The following FER1L6 variants were observed in gnomAD, a reference collection of about 807,000 sequenced individuals.
The protein encoded by FER1L6 is fer-1 like family member 6.
In FER1L6, 177 loss-of-function variants were observed where a neutral mutation model predicts 219.2. The ratio of observed to expected loss-of-function variants is 0.81; its 90% CI spans 0.71 to 0.91. FER1L6 has a LOEUF of 0.91. Among genes scored for constraint, FER1L6 ranks in the 40% least tolerant of loss-of-function variants. The pLI is 0.00. For missense variants in FER1L6, 2,153 were observed against 2,259.9 expected, an observed-to-expected ratio of 0.95 and a Z score of 0.96; for synonymous variants, 768 against 824.3, an observed-to-expected ratio of 0.93 and a Z score of 1.17.
intron 7 of FER1L6, among the ~76,000 whole-genome samples, chr8:123,974,030 A>T (rs1220927798): frequency 6.6e-6 from 1 of 152,248 alleles, no homozygotes; most frequent in African/African-American, 2.4e-5. Context: ...TATACAAAGG[A>T]TTTGCTGTAC....
intron 1 of FER1L6, among the ~76,000 whole-genome samples, chr8:123,868,051 C>A (rs182781010): frequency 6.6e-6 from 1 of 152,208 alleles, no homozygotes; most frequent in East Asian, 1.9e-4. Flanking sequence ...TTTTTTGTGT[C>A]TCTGGCTTTT....
chr8:124,087,363 G>C (rs1421342197), intron 33 of FER1L6, among the ~76,000 whole-genome samples: 1 of 152,002 alleles, frequency 6.6e-6, no homozygotes, highest in Admixed American at 6.6e-5. Flanking sequence ...GCTGTTAAGA[G>C]ACTGGTGCAT....
intron 5 of FER1L6, among the ~76,000 whole-genome samples, chr8:123,966,930 A>C (rs781297465): frequency 6.6e-5 from 10 of 151,988 alleles, no homozygotes; most frequent in Non-Finnish European, 1.2e-4. Flanking sequence ...AAATACAAAA[A>C]AATTAGCCAG....
At position 123,898,896 on chromosome 8, in the gene FER1L6, AG is replaced by A. The variant is rs537761738; in HGVS notation, c.-8+46712del. On this transcript the variant is annotated intron_variant, in intron 1 of 40. Transcript: ENST00000522917. The stretch of plus-strand genomic sequence containing the variant: ...ATATATATATATCAGTTTTTTATCC[AG>A]TTGTTGATTGTTGGGCATTTGTGTT... 4.7e-3 allele frequency among the ~76,000 whole-genome samples: 698 copies of A among 148,264 alleles called. 2 individuals carry two copies. The highest frequency in any genetic ancestry group is 0.017 in the Middle Eastern group (5 of 290).
Position 123,896,173 on chromosome 8 carries a change from C to A in FER1L6, c.-8+43988C>A, listed in dbSNP as rs138922031. 5.9e-4 allele frequency among the ~76,000 whole-genome samples: 90 copies of A among 152,254 alleles called. 1 individual carries two copies. Among genetic ancestry groups the A allele is most frequent in the African/African-American group, 2.0e-3 (85 of 41,546 alleles). On this transcript the variant is annotated intron_variant, in intron 1 of 40. Coordinates refer to ENST00000522917, the MANE Select transcript of FER1L6 (RefSeq NM_001039112.2). ...TAAATGAAGCCAACCCAGGGATAGA[C>A]AGGAGAGTGGTGAGGGCTGTGGGTT...
intron 7 of FER1L6, among the ~76,000 whole-genome samples, chr8:123,974,537 G>A (rs1313097443): frequency 6.6e-6 from 1 of 151,722 alleles, no homozygotes; most frequent in Non-Finnish European, 1.5e-5. Flanking sequence ...TTGGAAGGCT[G>A]TGGCAGGAGA....
intron 1 of FER1L6, among the ~76,000 whole-genome samples, chr8:123,884,529 T>G (rs1336864394): frequency 6.6e-6 from 1 of 152,208 alleles, no homozygotes; most frequent in Non-Finnish European, 1.5e-5. Context: ...TGTGGAGCAT[T>G]CTAGAATTCT....
intron 1 of FER1L6, among the ~76,000 whole-genome samples, chr8:123,945,227 C>T (rs761213989): frequency 4.4e-4 from 67 of 152,102 alleles, no homozygotes; most frequent in Admixed American, 7.2e-4. Flanking sequence ...ACATCTTGAC[C>T]CTGAGCTGAG....
rs1819938379 is a variant in FER1L6, at chr8:124,050,051, T to C, written c.2874+295T>C. Among the ~76,000 whole-genome samples, 2 of 152,190 alleles carry C rather than the reference T, an allele frequency of 1.3e-5. 1 individual carries two copies. Among genetic ancestry groups the C allele is most frequent in the South Asian group, 4.1e-4 (2 of 4,830 alleles). On this transcript the variant is annotated intron_variant, in intron 22 of 40. Coordinates refer to ENST00000522917, the MANE Select transcript of FER1L6 (RefSeq NM_001039112.2). The stretch of plus-strand genomic sequence containing the variant: ...CTGAGCTTGCAGGCCTCCATGCAGG[T>C]CATGAAAGGATACAAAACAGAGAGG...
chr8:123,980,676 T>G lies in FER1L6; in HGVS notation c.1275T>G (p.Pro425=). The G allele has an allele frequency of 6.2e-7, 1 of 1,614,102 alleles. No homozygotes were observed. The highest frequency in any genetic ancestry group is 8.5e-7 in the Non-Finnish European group (1 of 1,179,996). Residue 425 remains proline (P), a synonymous_variant, in exon 11 of 41, where the codon CCT becomes CCG. Coordinates refer to ENST00000522917, the MANE Select transcript of FER1L6 (RefSeq NM_001039112.2). ...AGGCCCTGAAGGAGCTCAAGTTGCC[T>G]TCCAAGGACAAAGACTCCAAATCTT... The part of the protein sequence containing the change: ...FSKALKELKL[P]SKDKDSKSSK...
chr8:123,989,300 A>G (rs1263662255), intron 12 of FER1L6, among the ~76,000 whole-genome samples: 3 of 151,948 alleles, frequency 2.0e-5, no homozygotes, highest in African/African-American at 7.3e-5. Context: ...GTGTCTTTGT[A>G]TGGTTTTGGT....
At chr8:124,091,197 T>TA (rs1276173090) in intron 33 of FER1L6, among the ~76,000 whole-genome samples, 2 of 152,234 alleles carry the variant, frequency 1.3e-5, no homozygotes, top group Admixed American at 6.5e-5. Flanking sequence ...AAATGAAAAG[T>TA]ACATTACTTA....
chr8:123,995,300 T>A (rs543183851), intron 12 of FER1L6, among the ~76,000 whole-genome samples: 7 of 152,346 alleles, frequency 4.6e-5, no homozygotes, highest in Non-Finnish European at 8.8e-5. Flanking sequence ...AGCCATGGGG[T>A]CCTGGACTTT....
chr8:124,046,558 G>A (rs1819748547), intron 21 of FER1L6: 1 of 152,162 alleles, frequency 6.6e-6, no homozygotes. Context: ...GAAAGGGTTT[G>A]TTTCTTTATT....
chr8:124,064,081 T>A (rs928177782), intron 25 of FER1L6, among the ~76,000 whole-genome samples: 1 of 152,188 alleles, frequency 6.6e-6, no homozygotes, highest in Non-Finnish European at 1.5e-5. Context: ...CACAATTGAT[T>A]AAAATTACTT....
At chr8:124,064,714 G>A (rs1820749861) in intron 26 of FER1L6, 141 bp downstream of exon 26, 1 of 751,462 alleles carries the variant, frequency 1.3e-6, no homozygotes, top group Non-Finnish European at 2.2e-6. Flanking sequence ...TTTGTAAAAT[G>A]AGGATACTGT....
At chr8:123,937,492 A>G (rs901621023) in intron 1 of FER1L6, among the ~76,000 whole-genome samples, 10 of 152,196 alleles carry the variant, frequency 6.6e-5, no homozygotes, top group Non-Finnish European at 1.5e-4. Flanking sequence ...GTCTAGTCCT[A>G]CAGGTTTAGG....
At chr8:123,911,973 A>G (rs1396987947) in intron 1 of FER1L6, among the ~76,000 whole-genome samples, 1 of 152,206 alleles carries the variant, frequency 6.6e-6, no homozygotes, top group Non-Finnish European at 1.5e-5. Flanking sequence ...ATGGTAGACT[A>G]GCCTCTGGCC....
chr8:124,026,709 GA>G (rs1818721029), intron 18 of FER1L6, among the ~76,000 whole-genome samples: 1 of 96,414 alleles, frequency 1.0e-5, no homozygotes, highest in Non-Finnish European at 2.2e-5. Context: ...CTATAGATGT[GA>G]TTTTTTTTTT....
Sources: gnomAD v4.1 joint callset for allele counts (sites outside exome capture counted in the v4.1 genomes callset) on GRCh38, gnomAD v4.1.1 for gene constraint, MANE v1.5 for transcripts, NCBI Gene and HGNC (gene_info 2026-07-23, HGNC 2026-07-21) for gene names.